Variants in FAM135B observed in about 807,000 individuals in gnomAD.
FAM135B encodes family with sequence similarity 135 member B.
In FAM135B, 43 loss-of-function variants were observed where a neutral mutation model predicts 127.7. The ratio of observed to expected loss-of-function variants is 0.34; its 90% CI spans 0.26 to 0.43. FAM135B has a LOEUF of 0.43. FAM135B is among the 20% of genes least tolerant of loss of function. FAM135B has a pLI of 1.00. For missense variants in FAM135B, 1,558 were observed against 1,725.6 expected, an observed-to-expected ratio of 0.90 and a Z score of 1.72; for synonymous variants, 670 against 665.1, an observed-to-expected ratio of 1.01 and a Z score of -0.11.
In FAM135B at chr8:138,243,295, T is replaced by C. The variant is rs180830577; in HGVS notation, c.543-227A>G. ...GTCAATGATGATACACATCCTACAA[T>C]GTGTGCATGTAAATGCCCACCCTAA... On this transcript the variant is annotated intron_variant, in intron 6 of 19. Transcript: ENST00000395297. The surrounding 1 kb of genome is among the most constrained non-coding windows in gnomAD (Gnocchi z 7.5). Among the ~76,000 whole-genome samples, 6 of 152,308 alleles carry C rather than the reference T, an allele frequency of 3.9e-5. No individual in the cohort carries two copies. The highest frequency in any genetic ancestry group is 1.4e-4 in the African/African-American group (6 of 41,574).
At position 138,231,022 on chromosome 8, in the gene FAM135B, A is replaced by G. The variant is rs115806869; in HGVS notation, c.669+11920T>C. 4.4e-3 allele frequency among the ~76,000 whole-genome samples: 675 copies of G among 151,796 alleles called. 3 individuals carry two copies. The highest frequency in any genetic ancestry group is 0.015 in the African/African-American group (641 of 41,382). ...TATTATTTTATTTTTATTTTGTTTT[A>G]TATTTGTTTAGTATTTATTTATTTT... On this transcript the variant is annotated intron_variant, in intron 7 of 19. Transcript: ENST00000395297.
chr8:138,437,676 TGGCTCAG>T (rs1374983302), intron 1 of FAM135B: 2 of 152,202 alleles, frequency 1.3e-5, no homozygotes, highest in Non-Finnish European at 2.9e-5. Context: ...CCGTGACAAG[TGGCTCAG>T]CTGCTTTCAA....
chr8:138,471,629 T>C (rs1837681972), intron 1 of FAM135B, among the ~76,000 whole-genome samples: 1 of 152,052 alleles, frequency 6.6e-6, no homozygotes. Flanking sequence ...TGCTTTGAAA[T>C]GCACTCCTAA....
intron 2 of FAM135B, among the ~76,000 whole-genome samples, chr8:138,356,859 C>T (rs955070594): frequency 1.3e-5 from 2 of 152,116 alleles, no homozygotes; most frequent in Non-Finnish European, 2.9e-5. Flanking sequence ...AGTGCAGATC[C>T]ATTACCTAAT....
intron 12 of FAM135B, among the ~76,000 whole-genome samples, chr8:138,162,194 CAT>C (rs548819445): frequency 3.6e-4 from 54 of 152,098 alleles, no homozygotes; most frequent in Non-Finnish European, 6.9e-4. Flanking sequence ...TATTGGGAAA[CAT>C]ATACAGATAC....
chr8:138,341,769 C>G (rs948224383), intron 2 of FAM135B, among the ~76,000 whole-genome samples: 1 of 152,102 alleles, frequency 6.6e-6, no homozygotes, highest in African/African-American at 2.4e-5. Context: ...TCACCCTTTT[C>G]TTTCCCAAAA....
chr8:138,136,834 A>C (rs1267943353), intron 19 of FAM135B, among the ~76,000 whole-genome samples: 2 of 152,226 alleles, frequency 1.3e-5, no homozygotes, highest in Non-Finnish European at 2.9e-5. Flanking sequence ...CGAGGCTCCA[A>C]CTAGACAATG....
intron 3 of FAM135B, among the ~76,000 whole-genome samples, chr8:138,295,074 T>G (rs2130812285): frequency 6.6e-6 from 1 of 151,022 alleles, no homozygotes; most frequent in East Asian, 2.0e-4. Context: ...CATTCCTGAT[T>G]CAAATGTCAA....
intron 1 of FAM135B, among the ~76,000 whole-genome samples, chr8:138,467,809 A>T (rs1023450590): frequency 2.0e-5 from 3 of 152,214 alleles, no homozygotes; most frequent in African/African-American, 7.2e-5. Flanking sequence ...TCTATAAGCA[A>T]ATTTCTTGAA....
intron 2 of FAM135B, among the ~76,000 whole-genome samples, chr8:138,338,887 T>C (rs1262915436): frequency 6.6e-6 from 1 of 152,084 alleles, no homozygotes; most frequent in Non-Finnish European, 1.5e-5. Context: ...TAGACTGGAT[T>C]AAGAAAATGT....
chr8:138,222,776 C>T (rs1819135171), intron 7 of FAM135B, among the ~76,000 whole-genome samples: 1 of 150,880 alleles, frequency 6.6e-6, no homozygotes, highest in Non-Finnish European at 1.5e-5. Context: ...AAAAGCAACC[C>T]ATGACATGTC....
At chr8:138,362,390 C>T (rs945902102) in intron 2 of FAM135B, among the ~76,000 whole-genome samples, 11 of 150,478 alleles carry the variant, frequency 7.3e-5, no homozygotes, top group Admixed American at 4.7e-4. Flanking sequence ...GACTATGGTG[C>T]ACATGCGAGT....
chr8:138,429,332 TGG>T (rs1835072192), intron 1 of FAM135B, among the ~76,000 whole-genome samples: 1 of 152,138 alleles, frequency 6.6e-6, no homozygotes, highest in Non-Finnish European at 1.5e-5. Context: ...ATATGATAGG[TGG>T]TTAATAGCTC....
At chr8:138,400,123 G>A (rs761451068) in intron 1 of FAM135B, among the ~76,000 whole-genome samples, 4 of 152,096 alleles carry the variant, frequency 2.6e-5, no homozygotes, top group Non-Finnish European at 5.9e-5. Flanking sequence ...TCTGGAGCTC[G>A]GGCTTTGGGT....
intron 7 of FAM135B, among the ~76,000 whole-genome samples, chr8:138,201,401 A>G (rs549870361): frequency 1.3e-5 from 2 of 152,352 alleles, no homozygotes; most frequent in South Asian, 4.1e-4. Flanking sequence ...TATTGAAATA[A>G]TAATAAGTCA....
intron 1 of FAM135B, among the ~76,000 whole-genome samples, chr8:138,387,203 G>A (rs908228883): frequency 1.8e-4 from 28 of 152,188 alleles, no homozygotes; most frequent in African/African-American, 6.8e-4. Flanking sequence ...CAAGTACTAT[G>A]GAGTTGGCTG....
chr8:138,493,759 A>C (rs1343736027), intron 1 of FAM135B, among the ~76,000 whole-genome samples: 2 of 152,206 alleles, frequency 1.3e-5, no homozygotes, highest in Non-Finnish European at 2.9e-5. Context: ...TTTTACAGTT[A>C]ATGAACTACT....
At chr8:138,332,099 T>A (rs1828225317) in intron 2 of FAM135B, among the ~76,000 whole-genome samples, 1 of 152,198 alleles carries the variant, frequency 6.6e-6, no homozygotes, top group African/African-American at 2.4e-5. Context: ...ACCTGGATCA[T>A]CTGGCTCTGA....
At chr8:138,294,449 T>G in intron 3 of FAM135B, among the ~76,000 whole-genome samples, 1 of 152,162 alleles carries the variant, frequency 6.6e-6, no homozygotes, top group Non-Finnish European at 1.5e-5. Flanking sequence ...ATATGCAATT[T>G]TTATGTCAAT....
Sources: gnomAD v4.1 joint callset for allele counts (sites outside exome capture counted in the v4.1 genomes callset) on GRCh38, gnomAD v4.1.1 for gene constraint, Gnocchi (gnomAD v3.1) non-coding constraint, MANE v1.5 for transcripts, NCBI Gene and HGNC (gene_info 2026-07-23, HGNC 2026-07-21) for gene names.